MICAL2: variants seen among roughly 807,000 people sequenced by gnomAD.
MICAL2 encodes the protein [F-actin]-monooxygenase MICAL2.
MICAL2 carries 77 observed loss-of-function variants against 127.3 expected under a neutral mutation model. The ratio of observed to expected loss-of-function variants is 0.60; its 90% CI spans 0.50 to 0.73. MICAL2 has a LOEUF of 0.73. MICAL2 is among the 30% of genes least tolerant of loss of function. The pLI, the probability that MICAL2 is intolerant of heterozygous loss-of-function variation, is 0.00. For missense variants in MICAL2, 1,351 were observed against 1,434.4 expected, an observed-to-expected ratio of 0.94 and a Z score of 0.94; for synonymous variants, 570 against 551.1, an observed-to-expected ratio of 1.03 and a Z score of -0.48.
intron 16 of MICAL2, 81 bp from the exon 17 acceptor site, chr11:12,239,355 C>T: frequency 6.3e-7 from 1 of 1,590,912 alleles, no homozygotes; most frequent in East Asian, 2.2e-5. Context: ...AAGCTAGTCC[C>T]ACGTCCTGAG....
chr11:12,340,101 C>A (rs1938835518), intron 32 of MICAL2, among the ~76,000 whole-genome samples: 1 of 152,176 alleles, frequency 6.6e-6, no homozygotes, highest in African/African-American at 2.4e-5. Flanking sequence ...TTGGTTGAAT[C>A]TGAGGATGTA....
intron 32 of MICAL2, among the ~76,000 whole-genome samples, chr11:12,347,890 A>G (rs1250055819): frequency 6.6e-6 from 1 of 152,160 alleles, no homozygotes; most frequent in African/African-American, 2.4e-5. Flanking sequence ...ACGGTGGCTC[A>G]CACCTGTAAT....
At chr11:12,111,168 C>T (rs1589942875) in intron 1 of MICAL2, among the ~76,000 whole-genome samples, 1 of 152,304 alleles carries the variant, frequency 6.6e-6, no homozygotes, top group East Asian at 1.9e-4. Context: ...CACTGGGCGC[C>T]CTTTTCCCCC....
chr11:12,214,897 A>C (rs1160665045), intron 7 of MICAL2, among the ~76,000 whole-genome samples: 3 of 152,196 alleles, frequency 2.0e-5, no homozygotes, highest in Non-Finnish European at 4.4e-5. Context: ...GTTACAGATA[A>C]CACTGCTTCT....
intron 32 of MICAL2, among the ~76,000 whole-genome samples, chr11:12,327,455 T>C (rs1163801109): frequency 6.6e-6 from 1 of 152,260 alleles, no homozygotes; most frequent in Non-Finnish European, 1.5e-5. Flanking sequence ...CAAGATCAAA[T>C]GTAAAAATCA....
chr11:12,216,158 T>C, intron 7 of MICAL2, 61 bp from the exon 8 acceptor site: 1 of 1,275,062 alleles, frequency 7.8e-7, no homozygotes, highest in Non-Finnish European at 1.1e-6. Context: ...AAAGTACAGT[T>C]CCTGGCACAC....
intron 1 of MICAL2, among the ~76,000 whole-genome samples, chr11:12,131,907 G>T (rs915042916): frequency 7.2e-5 from 11 of 152,190 alleles, no homozygotes; most frequent in African/African-American, 2.7e-4. Context: ...ACAGGTCCAG[G>T]CTCATAGTAA....
At chr11:12,201,157 C>T (rs1590319461) in intron 3 of MICAL2, among the ~76,000 whole-genome samples, 1 of 151,962 alleles carries the variant, frequency 6.6e-6, no homozygotes, top group East Asian at 1.9e-4. Context: ...GTGGCTCTAT[C>T]CAGAGAGGAA....
intron 29 of MICAL2, among the ~76,000 whole-genome samples, chr11:12,317,449 A>T (rs1468802635): frequency 6.6e-6 from 1 of 152,190 alleles, no homozygotes; most frequent in Non-Finnish European, 1.5e-5. Context: ...AGTCATTCTA[A>T]CACAGCCAGA....
chr11:12,183,905 G>A (rs537435419), intron 3 of MICAL2, among the ~76,000 whole-genome samples: 89 of 152,008 alleles, frequency 5.9e-4, no homozygotes, highest in African/African-American at 2.0e-3. Context: ...TCAGCCTCCC[G>A]AGTAGCTGGG....
rs541083758 is a variant in MICAL2, at chr11:12,355,126, A to T, written c.5689+269A>T. Among the ~76,000 whole-genome samples, 495 of 152,320 alleles carry T rather than the reference A, an allele frequency of 3.2e-3. 2 individuals carry two copies. The highest frequency in any genetic ancestry group is 0.011 in the African/African-American group (470 of 41,570). The stretch of plus-strand genomic sequence containing the variant: ...TATTCATTCATGTATCCACCCATTC[A>T]TTTAACACACATTTACTGGGAACTA... On this transcript the variant is annotated intron_variant, in intron 34 of 34. Coordinates refer to the MICAL2 transcript ENST00000646065.
chr11:12,176,620 C>T (rs1235193457), intron 3 of MICAL2, among the ~76,000 whole-genome samples: 2 of 152,178 alleles, frequency 1.3e-5, no homozygotes, highest in Non-Finnish European at 2.9e-5. Flanking sequence ...TCTACCCATT[C>T]AACAATAGCT....
intron 29 of MICAL2, among the ~76,000 whole-genome samples, chr11:12,316,555 T>G (rs1429138712): frequency 1.3e-5 from 2 of 152,148 alleles, no homozygotes; most frequent in African/African-American, 4.8e-5. Context: ...TTTTTTTTGG[T>G]GGAGTTCTTG....
intron 1 of MICAL2, among the ~76,000 whole-genome samples, chr11:12,277,719 T>A (rs1411014425): frequency 3.3e-5 from 5 of 152,218 alleles, no homozygotes; most frequent in Admixed American, 6.5e-5. Flanking sequence ...TAAATTGTGT[T>A]CTGGGTATCC....
In MICAL2 at chr11:12,283,342, T is replaced by TAA. The variant is rs1216421251; in HGVS notation, c.254+2243_254+2244insAA. 8.3e-5 allele frequency among the ~76,000 whole-genome samples: 7 copies of TAA among 84,148 alleles called. No individual in the cohort carries two copies. The East Asian group carries it at 4.1e-3, about 49-fold the overall frequency. The allele number at this position is 84,148 out of a possible 152,430, so 55.2% of individuals were successfully genotyped here. On this transcript the variant is annotated intron_variant, in intron 2 of 2. Coordinates refer to the MICAL2 transcript ENST00000529028. ...AAGACTCCTGGTTGCAGTGTGGAGT[T>TAA]TAAAAAAAAAAAAAAAAAAAGACTC... is the stretch of plus-strand genomic sequence containing the variant.
intron 18 of MICAL2, 25 bp from the exon 19 acceptor site, chr11:12,242,188 GA>G (rs1860063662): frequency 6.4e-7 from 1 of 1,572,120 alleles, no homozygotes; most frequent in Admixed American, 1.8e-5. Flanking sequence ...AGTAGGGAAG[GA>G]AGCTTAATTT....
chr11:12,284,758 C>T (rs1049387338), intron 2 of MICAL2, among the ~76,000 whole-genome samples: 1 of 152,272 alleles, frequency 6.6e-6, no homozygotes, highest in South Asian at 2.1e-4. Context: ...GGGGGGTGGG[C>T]TATTCATCTC....
chr11:12,200,887 G>A (rs1229026826), intron 3 of MICAL2, among the ~76,000 whole-genome samples: 1 of 152,188 alleles, frequency 6.6e-6, no homozygotes, highest in East Asian at 1.9e-4. Context: ...GAAGGATGCA[G>A]GGGGCTCCCC....
chr11:12,208,829 G>C (rs944386159), intron 5 of MICAL2, among the ~76,000 whole-genome samples: 1 of 152,178 alleles, frequency 6.6e-6, no homozygotes, highest in Non-Finnish European at 1.5e-5. Flanking sequence ...CAGAGACCTT[G>C]TGGTTTCCTG....
Sources: allele counts gnomAD v4.1 joint callset (sites outside exome capture counted in the v4.1 genomes callset), GRCh38; gene constraint gnomAD v4.1.1; transcripts MANE v1.5; gene names NCBI Gene and HGNC (gene_info 2026-07-23, HGNC 2026-07-21).